The following ACAP3 variants were observed in gnomAD, a reference collection of about 807,000 sequenced individuals.
ACAP3 encodes the protein arf-GAP with coiled-coil, ANK repeat and PH domain-containing protein 3.
Under a neutral mutation model 104.1 loss-of-function variants are expected in ACAP3, and 56 were observed. The observed-to-expected ratio is 0.54, with a 90% CI of 0.43 to 0.67. ACAP3 has a LOEUF of 0.67. ACAP3 is among the 30% of genes least tolerant of loss of function. ACAP3 has a pLI of 0.00. For missense variants in ACAP3, 1,208 were observed against 1,174.9 expected, an observed-to-expected ratio of 1.03 and a Z score of -0.41; for synonymous variants, 628 against 496.2, an observed-to-expected ratio of 1.27 and a Z score of -3.53.
chr1:1,302,079 T>C (rs895960375), intron 4 of ACAP3, 33 bp from the exon 5 acceptor site: 5 of 1,465,544 alleles, frequency 3.4e-6, no homozygotes, highest in South Asian at 1.4e-5. Flanking sequence ...ATCCTTGGGG[T>C]CTGTCCCGAA....
At position 1,294,534 on chromosome 1, in the gene ACAP3, C is replaced by T. The variant is rs1641022493; in HGVS notation, c.2007G>A (p.Gly669=). The T allele has an allele frequency of 1.3e-6, 2 of 1,497,316 alleles. No homozygotes were observed. The highest frequency in any genetic ancestry group is 8.8e-7 in the Non-Finnish European group (1 of 1,133,550). 92.8% of individuals were successfully genotyped at this position (1,497,316 alleles called of 1,614,324 possible). The part of the protein sequence containing the change: ...GLADVRELHP[G]LLAHRAARAR... Reference sequence around the variant, plus strand: ...CACGCGCTGCGCGGTGCGCCAAGAGCCCCGGGTGCAGCTCGCGCACGTCCG... The same window carrying T: ...CACGCGCTGCGCGGTGCGCCAAGAGTCCCGGGTGCAGCTCGCGCACGTCCG... The change falls in exon 21 of 24, where the codon GGG becomes GGA. Residue 669 remains glycine, a synonymous_variant. Transcript: ENST00000354700.
chr1:1,295,610 C>T, intron 18 of ACAP3, 56 bp from the exon 19 acceptor site: 3 of 1,584,156 alleles, frequency 1.9e-6, no homozygotes, highest in Non-Finnish European at 2.6e-6. Flanking sequence ...GGGCAGGGAA[C>T]CCCAGGTCAC....
Position 1,294,432 on chromosome 1 carries a change from G to T in ACAP3, c.2109C>A (p.Gly703=). Residue 703 remains glycine, a synonymous_variant, in exon 21 of 24, where the codon GGC becomes GGA. Transcript: ENST00000354700. Reference sequence around the variant, plus strand: ...GCACGGCCTGCACCAGCGGCGTCTTGCCCTCATCCTCCGCGTCCGCCCAGT... The same window carrying T: ...GCACGGCCTGCACCAGCGGCGTCTTTCCCTCATCCTCCGCGTCCGCCCAGT... ...EVNWADAEDE[G]KTPLVQAVLG... is the part of the protein sequence containing the mutation. 1.3e-6 allele frequency: 2 copies of T among 1,576,744 alleles called. No homozygotes were observed. The highest frequency in any genetic ancestry group is 1.4e-5 in the African/African-American group (1 of 73,506).
chr1:1,298,672 G>C lies in ACAP3; in HGVS notation c.758C>G (p.Ser253Cys), dbSNP rs1160420340. Residue 253 changes from serine to cysteine, a missense_variant, in exon 11 of 24, where the codon TCC becomes TGC. By Grantham distance (112) the Ser-to-Cys change is moderately radical. Coordinates refer to ENST00000354700, the MANE Select transcript of ACAP3 (RefSeq NM_030649.3). ...AAACTCCACTTTGGACTCATCGTAG[G>C]AGAAGTCCTGGGGGGATGGAACCCG... ...IQQRTLLQDF[S>C]YDESKVEFDV... The C allele has an allele frequency of 5.0e-6, 8 of 1,612,166 alleles. No homozygotes were observed. Among genetic ancestry groups the C allele is most frequent in the Non-Finnish European group, 6.8e-6 (8 of 1,179,664 alleles).
intron 5 of ACAP3, among the ~76,000 whole-genome samples, chr1:1,300,919 G>T (rs190021596): frequency 2.8e-4 from 42 of 152,304 alleles, no homozygotes; most frequent in Admixed American, 2.7e-3. Context: ...TTACAGGCAT[G>T]CGCCACCAGG....
chr1:1,296,125 G>A lies in ACAP3; in HGVS notation c.1408-16C>T, dbSNP rs369338671. Reference sequence around the variant, plus strand: ...CACACATCAGCTAGCGGGAGACAGGGCGAGCAGGCATCAGTGCGAACCTGC... The same window carrying A: ...CACACATCAGCTAGCGGGAGACAGGACGAGCAGGCATCAGTGCGAACCTGC... On this transcript the variant is annotated splice_polypyrimidine_tract_variant and intron_variant, in intron 16 of 23. Coordinates refer to ENST00000354700, the MANE Select transcript of ACAP3 (RefSeq NM_030649.3). 2.3e-5 allele frequency: 37 copies of A among 1,612,410 alleles called. No homozygotes were observed. The highest frequency in any genetic ancestry group is 1.5e-4 in the Admixed American group (9 of 59,976).
intron 9 of ACAP3, 21 bp from the exon 10 acceptor site, chr1:1,299,377 G>A (rs966716543): frequency 2.6e-6 from 4 of 1,539,534 alleles, no homozygotes; most frequent in Admixed American, 2.0e-5. Flanking sequence ...GGAGCAGGAG[G>A]GGGTAGGGGG....
At chr1:1,304,377 A>G in intron 1 of ACAP3, 1 of 587,544 alleles carries the variant, frequency 1.7e-6, no homozygotes, top group Non-Finnish European at 3.0e-6. Flanking sequence ...CCCTCGGGGA[A>G]GAAGGCTGGA....
At chr1:1,304,403 A>G (rs527840523) in intron 1 of ACAP3, 2 of 565,644 alleles carry the variant, frequency 3.5e-6, no homozygotes, top group South Asian at 2.0e-5. Context: ...CTCTCCCAGG[A>G]CAGCCGGCCG....
Position 1,303,007 on chromosome 1 carries a change from T to G in ACAP3, c.226-32A>C. 5.0e-6 allele frequency: 8 copies of G among 1,597,670 alleles called. No homozygotes were observed. The highest frequency in any genetic ancestry group is 6.8e-6 in the Non-Finnish European group (8 of 1,171,526). ...GAGCAGATGGGAACCCGTGCTGAGA[T>G]GGCAAATCCGGGCCCAGGTCACCCA... On this transcript the variant is annotated intron_variant, in intron 3 of 23. Transcript: ENST00000354700. This position sits in a 1 kb window ranked among gnomAD's most constrained non-coding sequence, Gnocchi z 4.0.
Position 1,299,892 on chromosome 1 carries a change from A to G in ACAP3, c.677T>C (p.Val226Ala). Residue 226 changes from valine (V) to alanine (A), a missense_variant, in exon 9 of 24, where the codon GTG becomes GCG. By Grantham distance (64) the Val-to-Ala change is moderately conservative (BLOSUM62 0). Transcript: ENST00000354700. ...ACGCTTTTCCACCGCAGAGTCGATC[A>G]CCAGCTGGTCCAGCTGTTGGGGGTG... ...KKLAAELDQL[V>A]IDSAVEKREM... 1 of 1,582,566 alleles carries G rather than the reference A, an allele frequency of 6.3e-7. No homozygotes were observed. The highest frequency in any genetic ancestry group is 8.6e-7 in the Non-Finnish European group (1 of 1,160,078).
In ACAP3 at chr1:1,303,394, T is replaced by G; in HGVS notation, c.106-113A>C. ...CCCAGGGTAGGTTCCACTCAGGGCG[T>G]TGGCACTCAGGACTCAGTGCCCCGG... On this transcript the variant is annotated intron_variant, in intron 2 of 23. Coordinates refer to ENST00000354700, the MANE Select transcript of ACAP3 (RefSeq NM_030649.3). The surrounding 1 kb of genome is among the most constrained non-coding windows in gnomAD (Gnocchi z 4.0). 1 of 1,409,602 alleles carries G rather than the reference T, an allele frequency of 7.1e-7. No individual in the cohort carries two copies. Among genetic ancestry groups the G allele is most frequent in the Admixed American group, 2.3e-5 (1 of 43,528 alleles). 87.3% of individuals were successfully genotyped at this position (1,409,602 alleles called of 1,614,324 possible). A position where few individuals can be genotyped will look rare whatever the true frequency, so the allele number is the denominator to read the frequency against.
At chr1:1,304,048 C>T (rs779516013) in intron 2 of ACAP3, 38 bp downstream of exon 2, 1 of 1,549,952 alleles carries the variant, frequency 6.5e-7, no homozygotes, top group Non-Finnish European at 8.7e-7. Flanking sequence ...CCATCCCAAG[C>T]TTGGCCGGGC....
chr1:1,306,220 T>C (rs1570668279), intron 1 of ACAP3, among the ~76,000 whole-genome samples: 1 of 152,012 alleles, frequency 6.6e-6, no homozygotes, highest in Non-Finnish European at 1.5e-5. Context: ...TGAGAGCCGG[T>C]TACCAGAGAG....
At chr1:1,307,145 T>C (rs1011450565) in intron 1 of ACAP3, 22 of 1,254,154 alleles carry the variant, frequency 1.8e-5, no homozygotes, top group Admixed American at 2.3e-5. Flanking sequence ...CGATGCACAC[T>C]TGTGCACACG....
Position 1,297,952 on chromosome 1 carries a change from C to A in ACAP3, c.1017-19G>T. On this transcript the variant is annotated intron_variant, in intron 13 of 23. Coordinates refer to ENST00000354700, the MANE Select transcript of ACAP3 (RefSeq NM_030649.3). ...GCAGCTCCTGCAGGCAGTGGAGGGG[C>A]GGGCGTCAGCTCCGGTGGGCAGGTA... is the stretch of plus-strand genomic sequence containing the variant. 6.2e-7 allele frequency: 1 copy of A among 1,610,928 alleles called. No individual in the cohort carries two copies. Among genetic ancestry groups the A allele is most frequent in the Non-Finnish European group, 8.5e-7 (1 of 1,179,010 alleles).
chr1:1,307,453 TGGACTGCAGGGCCCG>T (rs1641786033), intron 1 of ACAP3: 1 of 1,294,884 alleles, frequency 7.7e-7, no homozygotes, highest in Non-Finnish European at 1.0e-6. Flanking sequence ...TGGCCAGAGC[TGGACTGCAGGGCCCG>T]GGAGGGGCTC....
At chr1:1,306,880 GGT>G (rs940743961) in intron 1 of ACAP3, among the ~76,000 whole-genome samples, 30 of 152,244 alleles carry the variant, frequency 2.0e-4, no homozygotes, top group Non-Finnish European at 3.1e-4. Context: ...ACAGACAGGT[GGT>G]GTGTGCACAC....
intron 19 of ACAP3, among the ~76,000 whole-genome samples, 186 bp downstream of exon 19, chr1:1,295,259 CCA>C (rs1256243549): frequency 6.6e-5 from 10 of 152,142 alleles, no homozygotes; most frequent in African/African-American, 9.7e-5. Context: ...TGCACACAGC[CCA>C]CACACACATT....
Sources: allele counts gnomAD v4.1 joint callset (sites outside exome capture counted in the v4.1 genomes callset), GRCh38; gene constraint gnomAD v4.1.1; non-coding constraint Gnocchi (gnomAD v3.1); transcripts MANE v1.5; gene names NCBI Gene and HGNC (gene_info 2026-07-23, HGNC 2026-07-21).